The following TRIM2 variants were observed in gnomAD, a reference collection of about 807,000 sequenced individuals.
TRIM2 encodes tripartite motif-containing protein 2.
Under a neutral mutation model 75.2 loss-of-function variants are expected in TRIM2, and 20 were observed. The observed-to-expected ratio is 0.27, with a 90% CI of 0.19 to 0.39. The LOEUF (loss-of-function observed/expected upper bound fraction) is 0.39, where lower values mean the gene tolerates loss of function less well. TRIM2 is among the 10% of genes least tolerant of loss of function. The probability of loss-of-function intolerance (pLI) is 1.00; values close to 1 mark genes in which losing one functional copy is unlikely to be tolerated. For missense variants in TRIM2, 660 were observed against 990.8 expected, an observed-to-expected ratio of 0.67 and a Z score of 4.48; for synonymous variants, 373 against 388.3, an observed-to-expected ratio of 0.96 and a Z score of 0.46.
chr4:153,311,918 A>T (rs1411318087), intron 6 of TRIM2, among the ~76,000 whole-genome samples: 3 of 144,714 alleles, frequency 2.1e-5, no homozygotes, highest in African/African-American at 8.0e-5. Flanking sequence ...TTATTTATTT[A>T]TTTATTATTA....
intron 8 of TRIM2, among the ~76,000 whole-genome samples, chr4:153,320,950 A>C (rs948876634): frequency 3.9e-5 from 6 of 152,124 alleles, no homozygotes; most frequent in African/African-American, 1.4e-4. Context: ...TTTCATAAAA[A>C]CACATAGATC....
chr4:153,207,105 A>G (rs1201407730), intron 1 of TRIM2, among the ~76,000 whole-genome samples: 1 of 152,156 alleles, frequency 6.6e-6, no homozygotes, highest in Non-Finnish European at 1.5e-5. Context: ...ACAAGACCAA[A>G]TATATATTTC....
At chr4:153,316,199 CTTTG>C (rs1767548274) in intron 8 of TRIM2, among the ~76,000 whole-genome samples, 200 bp downstream of exon 8, 1 of 152,170 alleles carries the variant, frequency 6.6e-6, no homozygotes, top group Middle Eastern at 3.4e-3. Context: ...CTAAATGTGG[CTTTG>C]TTTTTTAAAG....
intron 3 of TRIM2, among the ~76,000 whole-genome samples, chr4:153,278,497 G>A (rs1758510977): frequency 6.6e-6 from 1 of 152,160 alleles, no homozygotes; most frequent in East Asian, 1.9e-4. Context: ...GTCTATAGTA[G>A]GTCTCCTAAT....
intron 6 of TRIM2, among the ~76,000 whole-genome samples, chr4:153,304,049 G>C (rs368533944): frequency 2.0e-4 from 31 of 152,272 alleles, no homozygotes; most frequent in African/African-American, 7.5e-4. Flanking sequence ...TCAGGATGGT[G>C]GGGGGAGAAG....
chr4:153,237,268 T>C (rs899061357), intron 1 of TRIM2, among the ~76,000 whole-genome samples: 7 of 152,210 alleles, frequency 4.6e-5, no homozygotes, highest in East Asian at 1.9e-4. Context: ...TACCATATTA[T>C]AACCACATTG....
chr4:153,254,632 C>T (rs116169643), intron 1 of TRIM2, among the ~76,000 whole-genome samples: 7 of 152,200 alleles, frequency 4.6e-5, no homozygotes, highest in Admixed American at 1.3e-4. Flanking sequence ...TTGGCATTTC[C>T]GTGGGGGCCT....
At chr4:153,237,576 A>G (rs1453657839) in intron 1 of TRIM2, among the ~76,000 whole-genome samples, 1 of 152,142 alleles carries the variant, frequency 6.6e-6, no homozygotes, top group African/African-American at 2.4e-5. Flanking sequence ...ACTACTCAGG[A>G]GGCTGAGGCA....
chr4:153,257,732 G>C, intron 1 of TRIM2: 1 of 626,918 alleles, frequency 1.6e-6, no homozygotes, highest in Non-Finnish European at 2.6e-6. Flanking sequence ...TTAATTCTTT[G>C]CCTCGTTGGT....
chr4:153,210,867 G>A lies in TRIM2; in HGVS notation c.30+6307G>A, dbSNP rs139484719. On this transcript the variant is annotated intron_variant, in intron 1 of 11. Transcript: ENST00000338700. ...AGTGACCCTAGAAGCCCCAGAAGCCGTGTTGGAACTGTGACAAGGAAGGAT... is the reference window on the plus strand; with the variant it reads ...AGTGACCCTAGAAGCCCCAGAAGCCATGTTGGAACTGTGACAAGGAAGGAT... Among the ~76,000 whole-genome samples the A allele has an allele frequency of 6.6e-5, 10 of 152,288 alleles. No homozygotes were observed. The East Asian group carries it at 1.3e-3, about 21-fold the overall frequency.
Position 153,334,873 on chromosome 4 carries a change from T to C in TRIM2, c.2223T>C (p.Tyr741=). 6.2e-7 allele frequency: 1 copy of C among 1,614,106 alleles called. No individual in the cohort carries two copies. The highest frequency in any genetic ancestry group is 1.7e-5 in the Admixed American group (1 of 60,002). Residue 741 remains tyrosine (Y), a synonymous_variant, in exon 12 of 12, where the codon TAT becomes TAC. Transcript: ENST00000338700. The part of the protein sequence containing the change: ...SYINTSADPL[Y]GPQGLALTSD... ...TTAACACATCTGCTGACCCACTCTA[T>C]GGCCCCCAAGGCCTGGCCCTAACTT...
chr4:153,290,404 A>G (rs1200940925), intron 3 of TRIM2, among the ~76,000 whole-genome samples: 3 of 152,210 alleles, frequency 2.0e-5, no homozygotes, highest in Non-Finnish European at 2.9e-5. Context: ...AATGCAACCC[A>G]AAGTATAGTC....
At chr4:153,165,437 C>T (rs1234527381) in intron 1 of TRIM2, among the ~76,000 whole-genome samples, 2 of 151,928 alleles carry the variant, frequency 1.3e-5, no homozygotes, top group African/African-American at 2.4e-5. Context: ...CTCAAGTGAT[C>T]CTCCTGCCTC....
intron 1 of TRIM2, among the ~76,000 whole-genome samples, chr4:153,182,552 A>G (rs938537691): frequency 5.9e-5 from 9 of 152,202 alleles, no homozygotes; most frequent in South Asian, 2.1e-4. Flanking sequence ...GCTGATTCAT[A>G]TAAATAAAAG....
chr4:153,190,295 C>A (rs551297074), intron 1 of TRIM2, among the ~76,000 whole-genome samples: 1 of 152,284 alleles, frequency 6.6e-6, no homozygotes, highest in African/African-American at 2.4e-5. Context: ...TAAACAATAG[C>A]CAGATGGAAA....
intron 4 of TRIM2, among the ~76,000 whole-genome samples, chr4:153,293,992 C>T (rs544758648): frequency 7.9e-5 from 12 of 152,240 alleles, no homozygotes; most frequent in Non-Finnish European, 1.5e-4. Context: ...ATGCACCAGA[C>T]GGCCCCTGCA....
At chr4:153,309,227 G>A (rs896737556) in intron 6 of TRIM2, among the ~76,000 whole-genome samples, 1 of 152,156 alleles carries the variant, frequency 6.6e-6, no homozygotes, top group African/African-American at 2.4e-5. Context: ...CCAAAACCCA[G>A]AAGAAGCCAT....
At chr4:153,184,705 T>C (rs1480532281) in intron 1 of TRIM2, among the ~76,000 whole-genome samples, 2 of 152,212 alleles carry the variant, frequency 1.3e-5, no homozygotes, top group Non-Finnish European at 2.9e-5. Context: ...CCACTGTGCA[T>C]ATTGGAAAAC....
Position 153,335,061 on chromosome 4 carries a change from C to G in TRIM2, c.*95C>G. Reference sequence around the variant, plus strand: ...CCAGATTATGACTAGAGTTTTTATGCCAGAAGGAATCATTGGTGAACTTTC... The same window carrying G: ...CCAGATTATGACTAGAGTTTTTATGGCAGAAGGAATCATTGGTGAACTTTC... On this transcript the variant is annotated 3_prime_UTR_variant, in exon 12 of 12. Transcript: ENST00000338700. 1.5e-6 allele frequency: 2 copies of G among 1,335,986 alleles called. No homozygotes were observed. The highest frequency in any genetic ancestry group is 1.9e-6 in the Non-Finnish European group (2 of 1,031,384). 82.8% of individuals were successfully genotyped at this position (1,335,986 alleles called of 1,614,324 possible).
Sources: gnomAD v4.1 joint callset for allele counts (sites outside exome capture counted in the v4.1 genomes callset) on GRCh38, gnomAD v4.1.1 for gene constraint, MANE v1.5 for transcripts, NCBI Gene and HGNC (gene_info 2026-07-23, HGNC 2026-07-21) for gene names.